The following ASIC2 variants were observed in gnomAD, a reference collection of about 807,000 sequenced individuals.
ASIC2 encodes the protein acid sensing ion channel subunit 2.
ASIC2 carries 25 observed loss-of-function variants against 57.3 expected under a neutral mutation model. The observed-to-expected ratio is 0.44, with a 90% CI of 0.32 to 0.61. The LOEUF is 0.61. ASIC2 is among the 20% of genes least tolerant of loss of function. The pLI, the probability that ASIC2 is intolerant of heterozygous loss-of-function variation, is 0.06. For missense variants in ASIC2, 641 were observed against 738.1 expected (o/e 0.87, Z 1.52); for synonymous variants, 319 against 307.5 (o/e 1.04, Z -0.39).
chr17:33,427,778 T>A (rs1437314259), intron 1 of ASIC2, among the ~76,000 whole-genome samples: 1 of 152,164 alleles, frequency 6.6e-6, no homozygotes, highest in Non-Finnish European at 1.5e-5. Context: ...AGAACCTTAC[T>A]CCCTTGTGTA....
chr17:33,098,882 T>C (rs929268889), intron 2 of ASIC2, among the ~76,000 whole-genome samples: 15 of 151,766 alleles, frequency 9.9e-5, no homozygotes, highest in Non-Finnish European at 1.8e-4. Flanking sequence ...AGTCACTCAA[T>C]GTCTCTGCTT....
At chr17:33,809,979 T>A (rs758614070) in intron 1 of ASIC2, among the ~76,000 whole-genome samples, 15 of 152,250 alleles carry the variant, frequency 9.9e-5, no homozygotes, top group Middle Eastern at 3.2e-3. Context: ...AATTCCCACC[T>A]GCTGATCTCA....
At chr17:33,567,809 C>T (rs1916289209) in intron 1 of ASIC2, among the ~76,000 whole-genome samples, 1 of 151,868 alleles carries the variant, frequency 6.6e-6, no homozygotes, top group Non-Finnish European at 1.5e-5. Context: ...AACCATACTG[C>T]AAGACTTTGC....
chr17:33,152,515 A>T (rs1196147111), intron 1 of ASIC2, among the ~76,000 whole-genome samples: 1 of 152,212 alleles, frequency 6.6e-6, no homozygotes, highest in Non-Finnish European at 1.5e-5. Flanking sequence ...ATAACAACAA[A>T]GGCAGAGATG....
intron 1 of ASIC2, among the ~76,000 whole-genome samples, chr17:33,423,314 G>A (rs1184103423): frequency 6.6e-6 from 1 of 152,180 alleles, no homozygotes; most frequent in South Asian, 2.1e-4. Flanking sequence ...ATGAGTGCTG[G>A]AATCAGAGTT....
At position 33,458,710 on chromosome 17, in the gene ASIC2, T is replaced by G. The variant is rs139036300; in HGVS notation, c.556-346643A>C. Among the ~76,000 whole-genome samples the G allele has an allele frequency of 8.6e-3, 1,311 of 152,328 alleles. 46 individuals carry two copies. In the South Asian group the frequency reaches 0.095, roughly 11 times the overall value. On this transcript the variant is annotated intron_variant, in intron 1 of 9. Coordinates refer to the ASIC2 transcript ENST00000359872. ...ATGGTTCAAGTACTGGTTGGCCATA[T>G]GACTTTCTCTATCTGGGCTTCAGAA...
intron 1 of ASIC2, among the ~76,000 whole-genome samples, chr17:33,347,361 A>G (rs535913366): frequency 6.6e-6 from 1 of 152,296 alleles, no homozygotes; most frequent in Non-Finnish European, 1.5e-5. Flanking sequence ...GGAAGGGTGC[A>G]GGAGTTTTTG....
Position 34,086,638 on chromosome 17 carries a change from G to T in ASIC2, c.555+69340C>A, listed in dbSNP as rs541550919. ...TGATCTGTCTAATGTTGACAGTGGG[G>T]TGTTAAAGTCTCCCATTATTAATGT... is the stretch of plus-strand genomic sequence containing the variant. On this transcript the variant is annotated intron_variant, in intron 1 of 9. Coordinates refer to the ASIC2 transcript ENST00000359872. Among the ~76,000 whole-genome samples the T allele has an allele frequency of 5.3e-5, 8 of 152,250 alleles. No homozygotes were observed. The East Asian group carries it at 1.5e-3, about 29-fold the overall frequency.
At chr17:33,441,921 T>C (rs1000738086) in intron 1 of ASIC2, among the ~76,000 whole-genome samples, 12 of 152,230 alleles carry the variant, frequency 7.9e-5, no homozygotes, top group African/African-American at 2.9e-4. Context: ...TCTGTCCTTA[T>C]TTTGGGTGAC....
At chr17:33,247,937 GAA>G (rs1396412285) in intron 1 of ASIC2, among the ~76,000 whole-genome samples, 1 of 152,176 alleles carries the variant, frequency 6.6e-6, no homozygotes, top group Admixed American at 6.5e-5. Context: ...GGGACAGCCA[GAA>G]AACAATGAAC....
chr17:33,549,454 A>G (rs539927021), intron 1 of ASIC2, among the ~76,000 whole-genome samples: 4 of 152,150 alleles, frequency 2.6e-5, no homozygotes, highest in Non-Finnish European at 5.9e-5. Flanking sequence ...TTTCAAAGCT[A>G]TAATCATGGG....
intron 1 of ASIC2, among the ~76,000 whole-genome samples, chr17:33,543,368 G>A (rs1011866909): frequency 7.2e-5 from 11 of 152,076 alleles, no homozygotes; most frequent in Non-Finnish European, 1.3e-4. Context: ...AGTGTCTTTG[G>A]GGCCTCTATG....
chr17:33,296,760 T>C (rs1905736147), upstream of ASIC2, among the ~76,000 whole-genome samples: 1 of 152,240 alleles, frequency 6.6e-6, no homozygotes, highest in Non-Finnish European at 1.5e-5. Context: ...CACGGTTTTC[T>C]GTTTTTGTAA....
intron 1 of ASIC2, among the ~76,000 whole-genome samples, chr17:33,609,141 A>G (rs1024827124): frequency 3.4e-4 from 51 of 152,154 alleles, no homozygotes; most frequent in African/African-American, 9.4e-4. Context: ...ATCATCTCCC[A>G]CCTGAACTAC....
intron 1 of ASIC2, among the ~76,000 whole-genome samples, chr17:34,133,256 T>A (rs62054888): frequency 0.14 from 21,742 of 151,980 alleles, 1,958 homozygotes; most frequent in African/African-American, 0.26. Context: ...GTCTTTCTTT[T>A]TCTTGGTTAT....
intron 1 of ASIC2, among the ~76,000 whole-genome samples, chr17:34,075,550 G>T (rs1216237781): frequency 6.6e-6 from 1 of 152,156 alleles, no homozygotes; most frequent in Admixed American, 6.5e-5. Flanking sequence ...GGGAAGGGAG[G>T]AAGTGAGGAG....
chr17:33,174,906 T>A (rs1905683011), intron 1 of ASIC2, among the ~76,000 whole-genome samples: 1 of 152,186 alleles, frequency 6.6e-6, no homozygotes, highest in Admixed American at 6.5e-5. Flanking sequence ...CCGTTGTGAC[T>A]GATCCAGCCA....
intron 1 of ASIC2, among the ~76,000 whole-genome samples, chr17:33,742,853 G>A (rs2142098963): frequency 6.6e-6 from 1 of 152,226 alleles, no homozygotes; most frequent in East Asian, 1.9e-4. Flanking sequence ...AGGGTGGCAT[G>A]ATCCATGCTG....
At chr17:34,141,391 T>C (rs932919369) in intron 1 of ASIC2, among the ~76,000 whole-genome samples, 21 of 152,196 alleles carry the variant, frequency 1.4e-4, no homozygotes, top group Non-Finnish European at 2.9e-4. Context: ...TCCAATTCTT[T>C]TTTAAAAAAA....
Sources: gnomAD v4.1 joint callset for allele counts (sites outside exome capture counted in the v4.1 genomes callset) on GRCh38, gnomAD v4.1.1 for gene constraint, MANE v1.5 for transcripts, NCBI Gene and HGNC (gene_info 2026-07-23, HGNC 2026-07-21) for gene names.